Variants in WDFY2 observed in about 807,000 individuals in gnomAD.
WDFY2 encodes the protein WD repeat and FYVE domain-containing protein 2.
WDFY2 carries 36 observed loss-of-function variants against 56.4 expected under a neutral mutation model. The ratio of observed to expected loss-of-function variants is 0.64; its 90% CI spans 0.49 to 0.84. WDFY2 has a LOEUF of 0.84. WDFY2 is among the 40% of genes least tolerant of loss of function. The pLI is 0.00. For synonymous variants in WDFY2, 176 were observed against 183.7 expected (o/e 0.96, Z 0.34); for missense variants, 444 against 512.2 (o/e 0.87, Z 1.29).
intron 1 of WDFY2, among the ~76,000 whole-genome samples, chr13:51,628,220 G>T (rs951181783): frequency 6.6e-6 from 1 of 152,222 alleles, no homozygotes; most frequent in Non-Finnish European, 1.5e-5. Context: ...GGCCCCACTG[G>T]GCTCCCTCCC....
chr13:51,748,614 TTCTC>T (rs202173754), intron 7 of WDFY2, among the ~76,000 whole-genome samples: 1 of 152,102 alleles, frequency 6.6e-6, no homozygotes, highest in Non-Finnish European at 1.5e-5. Context: ...GTACTCCTTG[TTCTC>T]TCTCTCTCTT....
chr13:51,680,706 C>T (rs1288818734), intron 3 of WDFY2, among the ~76,000 whole-genome samples: 1 of 152,152 alleles, frequency 6.6e-6, no homozygotes, highest in African/African-American at 2.4e-5. Flanking sequence ...TCAAAATCCT[C>T]TTGTGGGAGA....
At chr13:51,657,072 T>C (rs541230541) in intron 1 of WDFY2, among the ~76,000 whole-genome samples, 8 of 152,108 alleles carry the variant, frequency 5.3e-5, no homozygotes, top group Non-Finnish European at 1.2e-4. Flanking sequence ...CACTATTGCC[T>C]TCTTCTACGT....
At chr13:51,647,675 A>G (rs761599544) in intron 1 of WDFY2, among the ~76,000 whole-genome samples, 1 of 149,766 alleles carries the variant, frequency 6.7e-6, no homozygotes, top group African/African-American at 2.5e-5. Context: ...GAAGATCACT[A>G]TTTGAGTTCA....
intron 3 of WDFY2, among the ~76,000 whole-genome samples, chr13:51,697,431 A>G (rs1307890219): frequency 6.6e-6 from 1 of 152,106 alleles, no homozygotes; most frequent in African/African-American, 2.4e-5. Context: ...TCAGGAGTTC[A>G]AGAGCAGCCT....
intron 5 of WDFY2, among the ~76,000 whole-genome samples, chr13:51,727,291 CA>C (rs1179827878): frequency 6.6e-6 from 1 of 152,180 alleles, no homozygotes; most frequent in African/African-American, 2.4e-5. Flanking sequence ...AACTTTATAA[CA>C]TTTTTTAATA....
At chr13:51,691,694 C>T (rs1340404920) in intron 3 of WDFY2, among the ~76,000 whole-genome samples, 11 of 151,962 alleles carry the variant, frequency 7.2e-5, no homozygotes, top group African/African-American at 2.4e-4. Flanking sequence ...TTTTTTGGTT[C>T]CATGTGAACT....
Position 51,755,364 on chromosome 13 carries a change from G to C in WDFY2, c.838G>C (p.Glu280Gln). Residue 280 changes from glutamate to glutamine, a missense_variant, in exon 9 of 12, where the codon GAA becomes CAA. Coordinates refer to ENST00000298125, the MANE Select transcript of WDFY2 (RefSeq NM_052950.4). ...NMDVERQETPEWLDSDSCQKC... is the reference protein window; with the variant it reads ...NMDVERQETPQWLDSDSCQKC... ...CTGTGCTTTATTTGACAAGACCCCT[G>C]AATGGTTGGACAGTGATTCCTGCCA... is the stretch of plus-strand genomic sequence containing the variant. 9 of 1,614,174 alleles carry C rather than the reference G, an allele frequency of 5.6e-6. No homozygotes were observed. The highest frequency in any genetic ancestry group is 7.6e-6 in the Non-Finnish European group (9 of 1,180,026).
intron 1 of WDFY2, among the ~76,000 whole-genome samples, chr13:51,628,635 C>T (rs1228254027): frequency 6.6e-6 from 1 of 152,238 alleles, no homozygotes. Context: ...CAGCCGGCCT[C>T]TTCCGAGTGG....
intron 3 of WDFY2, among the ~76,000 whole-genome samples, chr13:51,687,964 G>A (rs1324092180): frequency 2.0e-5 from 3 of 152,150 alleles, no homozygotes; most frequent in African/African-American, 7.2e-5. Flanking sequence ...AGGAAATGGG[G>A]ATGCGCAGGT....
At chr13:51,644,692 G>C (rs1285903606) in intron 1 of WDFY2, among the ~76,000 whole-genome samples, 3 of 152,172 alleles carry the variant, frequency 2.0e-5, no homozygotes, top group Admixed American at 6.5e-5. Flanking sequence ...GCCACTGATT[G>C]CTGAGTTGCT....
At position 51,762,059 on chromosome 13, in the gene WDFY2, A is replaced by G. The variant is rs1419157830; in HGVS notation, c.*2290A>G. On this transcript the variant is annotated 3_prime_UTR_variant, in exon 12 of 12. Coordinates refer to ENST00000298125, the MANE Select transcript of WDFY2 (RefSeq NM_052950.4). ...TATCTATTTTGTAGTTTATTACTAG[A>G]AGCTGCAGCCACTTACTAAGTTGTA... is the stretch of plus-strand genomic sequence containing the variant. 1 of 152,236 alleles carries G rather than the reference A, an allele frequency of 6.6e-6. No individual in the cohort carries two copies. Among genetic ancestry groups the G allele is most frequent in the African/African-American group, 2.4e-5 (1 of 41,462 alleles). The allele number at this position is 152,236 out of a possible 1,614,324, so 9.4% of individuals were successfully genotyped here. A position where few individuals can be genotyped will look rare whatever the true frequency, so the allele number is the denominator to read the frequency against.
At chr13:51,737,287 T>C (rs1952858396) in intron 6 of WDFY2, among the ~76,000 whole-genome samples, 1 of 152,176 alleles carries the variant, frequency 6.6e-6, no homozygotes, top group South Asian at 2.1e-4. Flanking sequence ...TCTTAACTCA[T>C]TTAATCTAAT....
chr13:51,726,114 T>G (rs1469668490), intron 5 of WDFY2, among the ~76,000 whole-genome samples: 1 of 152,240 alleles, frequency 6.6e-6, no homozygotes, highest in Non-Finnish European at 1.5e-5. Flanking sequence ...AGTGCTTCCC[T>G]TTCTAAATAT....
rs1216887866 is a variant in WDFY2 at position 51,766,044 on chromosome 13, A to ATGT, written c.*6277_*6279dup. 6.6e-6 allele frequency: 1 copy of ATGT among 152,230 alleles called. No homozygotes were observed. The highest frequency in any genetic ancestry group is 2.4e-5 in the African/African-American group (1 of 41,460). 9.4% of individuals were successfully genotyped at this position (152,230 alleles called of 1,614,324 possible). On this transcript the variant is annotated 3_prime_UTR_variant, in exon 12 of 12. Coordinates refer to ENST00000298125, the MANE Select transcript of WDFY2 (RefSeq NM_052950.4). ...AAAAAAAGGGAAAATGATTTGAAAA[A>ATGT]TGTTTCACATATACACTTTTTATCA... is the stretch of plus-strand genomic sequence containing the variant.
At chr13:51,590,968 A>T (rs1158441135) in intron 1 of WDFY2, 1 of 152,188 alleles carries the variant, frequency 6.6e-6, no homozygotes, top group African/African-American at 2.4e-5. Flanking sequence ...AGGGAGTGCT[A>T]CTTTATGGTC....
chr13:51,728,589 A>G (rs1456169943), intron 6 of WDFY2, among the ~76,000 whole-genome samples: 6 of 152,220 alleles, frequency 3.9e-5, no homozygotes, highest in Non-Finnish European at 7.3e-5. Flanking sequence ...ATATAAGAAA[A>G]AAAGTAGGGG....
intron 1 of WDFY2, among the ~76,000 whole-genome samples, chr13:51,656,029 G>A (rs551762087): frequency 7.3e-6 from 1 of 136,186 alleles, no homozygotes; most frequent in African/African-American, 2.7e-5. Context: ...CTGACCTTTT[G>A]TTTCATTGAT....
chr13:51,710,608 ATG>A (rs974953134), intron 4 of WDFY2, among the ~76,000 whole-genome samples: 18 of 152,346 alleles, frequency 1.2e-4, no homozygotes, highest in Admixed American at 7.8e-4. Flanking sequence ...TACAAAATAA[ATG>A]TGCAAAAATC....
Sources: allele counts gnomAD v4.1 joint callset (sites outside exome capture counted in the v4.1 genomes callset), GRCh38; gene constraint gnomAD v4.1.1; transcripts MANE v1.5; gene names NCBI Gene and HGNC (gene_info 2026-07-23, HGNC 2026-07-21).